SYCP1: variants seen among roughly 807,000 people sequenced by gnomAD.
SYCP1 encodes synaptonemal complex protein 1, also known as cancer/testis antigen 8.
A neutral mutation model predicts 153.1 loss-of-function variants in SYCP1; 64 were observed. That is an observed-to-expected ratio of 0.42 (90% CI 0.34 to 0.51). SYCP1 has a LOEUF of 0.51. Among genes scored for constraint, SYCP1 ranks in the 20% least tolerant of loss-of-function variants. The probability of loss-of-function intolerance (pLI) is 0.06; values close to 1 mark genes in which losing one functional copy is unlikely to be tolerated. For synonymous variants in SYCP1, 384 were observed against 341.8 expected (o/e 1.12, Z -1.36); for missense variants, 997 against 1,049.0 (o/e 0.95, Z 0.68).
intron 23 of SYCP1, among the ~76,000 whole-genome samples, chr1:114,931,516 T>C (rs1669631858): frequency 6.6e-6 from 1 of 152,096 alleles, no homozygotes; most frequent in South Asian, 2.1e-4. Context: ...TAGGGATAAA[T>C]TTTACAAAAT....
chr1:114,993,061 A>G (rs1291287159), intron 30 of SYCP1, among the ~76,000 whole-genome samples: 1 of 151,582 alleles, frequency 6.6e-6, no homozygotes, highest in Non-Finnish European at 1.5e-5. Flanking sequence ...AGGACAGATG[A>G]TAAGGTTTTG....
At chr1:114,890,656 GT>G (rs1666646920) in intron 15 of SYCP1, among the ~76,000 whole-genome samples, 1 of 152,128 alleles carries the variant, frequency 6.6e-6, no homozygotes, top group South Asian at 2.1e-4. Flanking sequence ...GTGTAGGAAG[GT>G]AGCATTAACA....
intron 30 of SYCP1, among the ~76,000 whole-genome samples, chr1:114,988,190 G>C (rs1029470060): frequency 1.3e-4 from 19 of 151,462 alleles, no homozygotes; most frequent in African/African-American, 4.6e-4. Context: ...ATTCCAGAAG[G>C]AGAAGAGGGA....
chr1:114,932,419 G>A (rs1669691858), intron 23 of SYCP1, among the ~76,000 whole-genome samples: 1 of 152,116 alleles, frequency 6.6e-6, no homozygotes, highest in South Asian at 2.1e-4. Flanking sequence ...TAAAATATTG[G>A]CAAAGGGGGA....
At chr1:114,906,986 G>T (rs1667852722) in intron 16 of SYCP1, among the ~76,000 whole-genome samples, 1 of 152,084 alleles carries the variant, frequency 6.6e-6, no homozygotes, top group African/African-American at 2.4e-5. Flanking sequence ...ATCAGTGATT[G>T]CTTCGTGTGT....
At chr1:114,973,601 C>T (rs55813753) in intron 27 of SYCP1, among the ~76,000 whole-genome samples, 9,257 of 152,068 alleles carry the variant, frequency 0.061, 322 homozygotes, top group Middle Eastern at 0.14. Flanking sequence ...GGCTCTCTTA[C>T]TGAGCCTCAC....
chr1:114,976,035 A>T (rs1201456855), intron 27 of SYCP1, among the ~76,000 whole-genome samples: 1 of 151,824 alleles, frequency 6.6e-6, no homozygotes, highest in Non-Finnish European at 1.5e-5. Context: ...TGATGCTGAT[A>T]TGCTTGCACT....
chr1:114,947,737 C>A (rs1348420507), intron 27 of SYCP1, among the ~76,000 whole-genome samples: 1 of 130,654 alleles, frequency 7.7e-6, no homozygotes, highest in Non-Finnish European at 1.6e-5. Context: ...GGCGTGAACC[C>A]GGGAGGCGGA....
intron 24 of SYCP1, 25 bp from the exon 25 acceptor site, chr1:114,944,847 C>CT (rs35233102): frequency 0.076 from 83,893 of 1,098,072 alleles, 351 homozygotes; most frequent in Non-Finnish European, 0.083. Flanking sequence ...TTTTAAGAAA[C>CT]TTTTTTTTTT....
intron 29 of SYCP1, among the ~76,000 whole-genome samples, chr1:114,983,223 T>C (rs557295203): frequency 6.6e-5 from 10 of 152,138 alleles, no homozygotes; most frequent in African/African-American, 1.9e-4. Context: ...CCTACACATA[T>C]GCGTGGCCTT....
Position 114,855,434 on chromosome 1 carries a change from G to A in SYCP1, c.-24-7G>A, listed in dbSNP as rs1201180223. On this transcript the variant is annotated splice_region_variant and splice_polypyrimidine_tract_variant and intron_variant, in intron 1 of 31. Transcript: ENST00000369522. ...TTCCTTCCCCTCCCGCCCCCCCGGGGCAGTAGATATTTACAACCGTAACAG... is the reference window on the plus strand; with the variant it reads ...TTCCTTCCCCTCCCGCCCCCCCGGGACAGTAGATATTTACAACCGTAACAG... 4 of 1,576,176 alleles carry A rather than the reference G, an allele frequency of 2.5e-6. No homozygotes were observed. The highest frequency in any genetic ancestry group is 1.7e-4 in the Middle Eastern group (1 of 5,946).
Position 114,855,463 on chromosome 1 carries a change from A to G in SYCP1, c.-2A>G, listed in dbSNP as rs771581912. The G allele has an allele frequency of 1.2e-6, 2 of 1,609,648 alleles. No individual in the cohort carries two copies. The highest frequency in any genetic ancestry group is 2.2e-5 in the South Asian group (2 of 90,426). Reference sequence around the variant, plus strand: ...TAGATATTTACAACCGTAACAGAGAAAATGGAAAAGCAAAAGCCCTTTGCA... The same window carrying G: ...TAGATATTTACAACCGTAACAGAGAGAATGGAAAAGCAAAAGCCCTTTGCA... On this transcript the variant is annotated 5_prime_UTR_variant, in exon 2 of 32. Coordinates refer to ENST00000369522, the MANE Select transcript of SYCP1 (RefSeq NM_003176.4).
intron 8 of SYCP1, among the ~76,000 whole-genome samples, chr1:114,874,201 G>T (rs1488265116): frequency 6.6e-6 from 1 of 152,132 alleles, no homozygotes; most frequent in Non-Finnish European, 1.5e-5. Context: ...CCAATTTTGG[G>T]GTAGTAGTTT....
intron 23 of SYCP1, among the ~76,000 whole-genome samples, chr1:114,942,055 G>A (rs964763359): frequency 6.6e-6 from 1 of 151,940 alleles, no homozygotes; most frequent in African/African-American, 2.4e-5. Flanking sequence ...TATAGAAAGA[G>A]AAATTTATAC....
intron 16 of SYCP1, among the ~76,000 whole-genome samples, chr1:114,895,958 T>C (rs140969477): frequency 6.6e-6 from 1 of 152,348 alleles, no homozygotes; most frequent in African/African-American, 2.4e-5. Context: ...GTCAGCAAAC[T>C]GTCTGTAGAG....
intron 12 of SYCP1, among the ~76,000 whole-genome samples, chr1:114,881,170 G>A (rs1383153815): frequency 1.3e-5 from 2 of 151,754 alleles, no homozygotes; most frequent in Non-Finnish European, 2.9e-5. Flanking sequence ...TACAATATGT[G>A]TATTTTAGTT....
At chr1:114,894,662 T>C (rs1314880196) in intron 15 of SYCP1, among the ~76,000 whole-genome samples, 2 of 152,034 alleles carry the variant, frequency 1.3e-5, no homozygotes, top group Non-Finnish European at 2.9e-5. Context: ...ACAGGACATA[T>C]GAATAGTGCA....
At chr1:114,900,540 C>G (rs891706161) in intron 16 of SYCP1, among the ~76,000 whole-genome samples, 2 of 152,220 alleles carry the variant, frequency 1.3e-5, no homozygotes, top group Non-Finnish European at 2.9e-5. Flanking sequence ...CTCGGCCTCC[C>G]GAAGTGCTGG....
chr1:114,926,302 G>C lies in SYCP1; in HGVS notation c.1825G>C (p.Glu609Gln). The C allele has an allele frequency of 6.5e-7, 1 of 1,527,200 alleles. No individual in the cohort carries two copies. The highest frequency in any genetic ancestry group is 8.8e-7 in the Non-Finnish European group (1 of 1,133,946). The allele number at this position is 1,527,200 out of a possible 1,614,324, so 94.6% of individuals were successfully genotyped here. ...ENCNNLRKQV[E>Q]NKNKYIEELQ... ...GTGTAACAATTTAAGGAAACAAGTT[G>C]AAAATAAAAACAAGTATATTGAAGA... Residue 609 changes from glutamate (E) to glutamine (Q), a missense_variant, in exon 22 of 32, where the codon GAA becomes CAA. By Grantham distance (29) the Glu-to-Gln change is conservative. This residue lies in a region of SYCP1 where 712 missense variants were observed against 682.9 expected (regional missense o/e 1.04). Coordinates refer to ENST00000369522, the MANE Select transcript of SYCP1 (RefSeq NM_003176.4).
Sources: allele counts gnomAD v4.1 joint callset (sites outside exome capture counted in the v4.1 genomes callset), GRCh38; gene constraint gnomAD v4.1.1; regional missense constraint gnomAD v4.1.1; transcripts MANE v1.5; gene names NCBI Gene and HGNC (gene_info 2026-07-23, HGNC 2026-07-21).